BAD: variants seen among roughly 807,000 people sequenced by gnomAD.
BAD encodes BCL2 associated agonist of cell death, also known as bcl2-associated agonist of cell death.
BAD carries 18 observed loss-of-function variants against 17.8 expected under a neutral mutation model. That is an observed-to-expected ratio of 1.01 (90% CI 0.70 to 1.50). BAD has a LOEUF of 1.50. BAD is among the 40% of genes most tolerant of loss of function. The pLI is 0.00. For missense variants in BAD, 294 were observed against 239.3 expected (o/e 1.23, Z -1.51); for synonymous variants, 112 against 91.5 (o/e 1.22, Z -1.28).
chr11:64,277,145 C>A, intron 2 of BAD: 1 of 607,434 alleles, frequency 1.6e-6, no homozygotes, highest in Admixed American at 2.6e-5. Context: ...CCGTTTGGAG[C>A]AGTGAAGCTC....
intron 2 of BAD, chr11:64,275,896 A>G (rs772067934): frequency 6.6e-6 from 1 of 151,626 alleles, no homozygotes; most frequent in Non-Finnish European, 1.5e-5. Flanking sequence ...TCCTTGCCAC[A>G]CCCTATCAGG....
At chr11:64,280,188 C>T (rs376564586) in intron 2 of BAD, among the ~76,000 whole-genome samples, 2 of 150,226 alleles carry the variant, frequency 1.3e-5, no homozygotes, top group African/African-American at 2.4e-5. Context: ...GGCATGGTGG[C>T]GGGAGGCTGT....
chr11:64,278,166 C>T (rs766683567), intron 2 of BAD, among the ~76,000 whole-genome samples: 88 of 151,840 alleles, frequency 5.8e-4, no homozygotes, highest in African/African-American at 1.0e-3. Flanking sequence ...TGGTGGCGTG[C>T]GCCTGTAGTC....
At chr11:64,271,493 C>A (rs2032603064) in intron 3 of BAD, 120 bp downstream of exon 3, 2 of 1,052,222 alleles carry the variant, frequency 1.9e-6, no homozygotes. Context: ...AGGAACAGGA[C>A]GGCTTTGGGG....
At position 64,277,190 on chromosome 11, in the gene BAD, C is replaced by G. The variant is rs532099482; in HGVS notation, c.188-5387G>C. The stretch of plus-strand genomic sequence containing the variant: ...GCAAGGGCTGGGTTTGGATCCTGCC[C>G]CTACCACATGCCGACCACACACAAT... On this transcript the variant is annotated intron_variant, in intron 2 of 3. Coordinates refer to ENST00000309032, the MANE Select transcript of BAD (RefSeq NM_032989.3). The G allele has an allele frequency of 5.1e-6, 3 of 587,834 alleles. No individual in the cohort carries two copies. In the African/African-American group the frequency reaches 5.6e-5, roughly 11 times the overall value. 36.4% of individuals were successfully genotyped at this position (587,834 alleles called of 1,614,324 possible). A position where few individuals can be genotyped will look rare whatever the true frequency, so the allele number is the denominator to read the frequency against.
chr11:64,281,707 CCT>C (rs918632748), intron 2 of BAD, among the ~76,000 whole-genome samples: 6 of 152,216 alleles, frequency 3.9e-5, no homozygotes, highest in African/African-American at 1.4e-4. Context: ...TCCCCCCGCC[CCT>C]GTGACTCCGG....
intron 1 of BAD, 41 bp downstream of exon 1, chr11:64,284,590 C>T: frequency 3.3e-6 from 5 of 1,496,654 alleles, no homozygotes; most frequent in Non-Finnish European, 4.4e-6. Context: ...CCGGTGGACC[C>T]AGGCCCCGCC....
intron 2 of BAD, chr11:64,276,818 A>G (rs1447935304): frequency 5.9e-6 from 4 of 677,072 alleles, no homozygotes; most frequent in African/African-American, 1.8e-5. Context: ...CACTCTTGCC[A>G]TCCGCCTAGA....
intron 2 of BAD, among the ~76,000 whole-genome samples, chr11:64,279,278 G>C (rs1210259311): frequency 6.6e-6 from 1 of 152,072 alleles, no homozygotes; most frequent in Non-Finnish European, 1.5e-5. Context: ...CTCCAACGAT[G>C]CTGCGGCTTC....
chr11:64,271,691 C>T lies in BAD; in HGVS notation c.300G>A (p.Ala100=). Residue 100 remains alanine, a synonymous_variant, in exon 3 of 4, where the codon GCG becomes GCA. Transcript: ENST00000309032. ...PSPFRGRSRS[A]PPNLWAAQRY... is the part of the protein sequence containing the mutation. ...GCTGTGCTGCCCAGAGGTTGGGGGGCGCCGAGCGCGAGCGGCCCCGAAAGG... is the reference window on the plus strand; with the variant it reads ...GCTGTGCTGCCCAGAGGTTGGGGGGTGCCGAGCGCGAGCGGCCCCGAAAGG... 3 of 1,471,094 alleles carry T rather than the reference C, an allele frequency of 2.0e-6. No homozygotes were observed. The highest frequency in any genetic ancestry group is 2.8e-5 in the East Asian group (1 of 36,342). The allele number at this position is 1,471,094 out of a possible 1,614,324, so 91.1% of individuals were successfully genotyped here. A position where few individuals can be genotyped will look rare whatever the true frequency, so the allele number is the denominator to read the frequency against.
intron 2 of BAD, 105 bp from the exon 3 acceptor site, chr11:64,271,908 C>T (rs765207672): frequency 1.0e-6 from 1 of 956,618 alleles, no homozygotes; most frequent in Non-Finnish European, 1.4e-6. Context: ...ACTCGTGGGT[C>T]TTCCAGGGGC....
Position 64,269,900 on chromosome 11 carries a change from G to A in BAD, c.*309C>T. On this transcript the variant is annotated 3_prime_UTR_variant, in exon 4 of 4. Transcript: ENST00000309032. ...CCCCCAGGGCATCGCGGGGGCTCGG[G>A]TCCCGGTGACGCAACGGTTAAACCT... 1.4e-6 allele frequency: 1 copy of A among 700,524 alleles called. No homozygotes were observed. The highest frequency in any genetic ancestry group is 1.5e-5 in the South Asian group (1 of 66,682). The allele number at this position is 700,524 out of a possible 1,614,324, so 43.4% of individuals were successfully genotyped here.
intron 2 of BAD, among the ~76,000 whole-genome samples, chr11:64,274,992 CAAAAAAAAAAAA>C (rs34418386): frequency 1.8e-5 from 1 of 54,406 alleles, no homozygotes; most frequent in African/African-American, 9.2e-5. Flanking sequence ...GACTTTGTCT[CAAAAAAAAAAAA>C]AAAAAAAAAA....
At chr11:64,278,686 G>A (rs2033228625) in intron 2 of BAD, among the ~76,000 whole-genome samples, 1 of 152,132 alleles carries the variant, frequency 6.6e-6, no homozygotes, top group African/African-American at 2.4e-5. Flanking sequence ...GCTTCTTTCT[G>A]CCTCTCCACT....
At chr11:64,280,358 A>T (rs2033375914) in intron 2 of BAD, among the ~76,000 whole-genome samples, 1 of 132,316 alleles carries the variant, frequency 7.6e-6, no homozygotes, top group African/African-American at 2.8e-5. Context: ...AATAATAATA[A>T]TTTTTTTTTT....
upstream of BAD, chr11:64,284,688 G>A (rs1446683179): frequency 1.3e-6 from 2 of 1,535,802 alleles, no homozygotes; most frequent in African/African-American, 1.4e-5. Context: ...CAGCACCCCG[G>A]GCTCCGGGCC....
intron 2 of BAD, among the ~76,000 whole-genome samples, chr11:64,279,921 T>C (rs930994837): frequency 2.6e-5 from 4 of 151,976 alleles, no homozygotes; most frequent in Non-Finnish European, 5.9e-5. Flanking sequence ...CTGTGGCTCA[T>C]GCCTGTAATC....
chr11:64,274,248 C>T (rs569484662), intron 2 of BAD, among the ~76,000 whole-genome samples: 1 of 151,856 alleles, frequency 6.6e-6, no homozygotes, highest in East Asian at 2.0e-4. Context: ...ATTAGCTGGG[C>T]ATGGTGGCTG....
In BAD at chr11:64,284,294, G is replaced by A; in HGVS notation, c.75C>T (p.Ser25=). Residue 25 remains serine, a synonymous_variant, in exon 2 of 4, where the codon AGC becomes AGT. Coordinates refer to ENST00000309032, the MANE Select transcript of BAD (RefSeq NM_032989.3). ...AGCCTGAGGGCCCGTCCCCTGCGGG[G>A]CTGGGGCCCAGGCCCCTCTCTGCAG... ...SSSAERGLGP[S]PAGDGPSGSG... is the part of the protein sequence containing the mutation. 1 of 1,612,028 alleles carries A rather than the reference G, an allele frequency of 6.2e-7. No individual in the cohort carries two copies. Among genetic ancestry groups the A allele is most frequent in the Non-Finnish European group, 8.5e-7 (1 of 1,179,940 alleles).
Sources: allele counts gnomAD v4.1 joint callset (sites outside exome capture counted in the v4.1 genomes callset), GRCh38; gene constraint gnomAD v4.1.1; transcripts MANE v1.5; gene names NCBI Gene and HGNC (gene_info 2026-07-23, HGNC 2026-07-21).